JAK1: variants seen among roughly 807,000 people sequenced by gnomAD.
The protein encoded by JAK1 is Janus kinase 1.
JAK1 carries 16 observed loss-of-function variants against 136.6 expected under a neutral mutation model. The observed-to-expected ratio is 0.12, with a 90% CI of 0.08 to 0.18. The LOEUF is 0.18. JAK1 is among the 10% of genes least tolerant of loss of function. The pLI is 1.00. For missense variants in JAK1, 859 were observed against 1,450.1 expected, an observed-to-expected ratio of 0.59 and a Z score of 6.62; for synonymous variants, 492 against 519.5, an observed-to-expected ratio of 0.95 and a Z score of 0.72.
At chr1:64,849,194 AT>A (rs151322128) in intron 12 of JAK1, among the ~76,000 whole-genome samples, 6,477 of 147,680 alleles carry the variant, frequency 0.044, 258 homozygotes, top group Admixed American at 0.14. Context: ...GGAGACCCTG[AT>A]TTTTTTTTTT....
At chr1:64,882,385 C>T (rs1343596367) in intron 3 of JAK1, among the ~76,000 whole-genome samples, 2 of 152,166 alleles carry the variant, frequency 1.3e-5, no homozygotes. Flanking sequence ...TAAATGGCTA[C>T]TTCATCATCA....
chr1:65,003,184 A>G (rs1453992605), intron 2 of JAK1, among the ~76,000 whole-genome samples: 2 of 151,972 alleles, frequency 1.3e-5, no homozygotes, highest in Non-Finnish European at 2.9e-5. Flanking sequence ...AGCCTAGAAA[A>G]GCGTGGGTGG....
At chr1:65,054,443 G>C (rs1241174801) in intron 1 of JAK1, among the ~76,000 whole-genome samples, 2 of 151,916 alleles carry the variant, frequency 1.3e-5, no homozygotes, top group East Asian at 3.9e-4. Flanking sequence ...AGAAGGGAAA[G>C]GTCTGGGATT....
intron 4 of JAK1, among the ~76,000 whole-genome samples, chr1:64,877,291 T>C (rs1160292943): frequency 1.3e-5 from 2 of 152,228 alleles, no homozygotes; most frequent in Non-Finnish European, 2.9e-5. Context: ...AAAATCTTTG[T>C]AGTTTGTCAT....
chr1:64,952,331 C>T (rs978610509), intron 1 of JAK1, among the ~76,000 whole-genome samples: 14 of 152,116 alleles, frequency 9.2e-5, no homozygotes, highest in Non-Finnish European at 1.3e-4. Flanking sequence ...CTAGGTTCCT[C>T]CACTTAAAAG....
intron 2 of JAK1, chr1:64,993,126 A>C (rs890313727): frequency 2.0e-5 from 3 of 152,202 alleles, no homozygotes; most frequent in Admixed American, 6.5e-5. Context: ...TACTCTACAG[A>C]CCTGCCCACA....
At position 64,901,792 on chromosome 1, in the gene JAK1, C is replaced by G. The variant is rs947200258; in HGVS notation, c.-77-15451G>C. On this transcript the variant is annotated intron_variant, in intron 1 of 24. Coordinates refer to ENST00000342505, the MANE Select transcript of JAK1 (RefSeq NM_002227.4). ...CCCCAAAAAGAAACCCCATGTCACT[C>G]TCCATTCTCCCCTATCGCATCCCCT... Among the ~76,000 whole-genome samples, 24 of 152,312 alleles carry G rather than the reference C, an allele frequency of 1.6e-4. 1 individual carries two copies. The highest frequency in any genetic ancestry group is 5.5e-4 in the African/African-American group (23 of 41,574).
intron 3 of JAK1, among the ~76,000 whole-genome samples, chr1:64,879,392 T>C (rs1199646740): frequency 1.3e-5 from 2 of 152,118 alleles, no homozygotes; most frequent in East Asian, 1.9e-4. Context: ...ATTTAGATCA[T>C]TTAAAAATAA....
At chr1:64,995,734 CTTTTG>C (rs532461978) in intron 2 of JAK1, among the ~76,000 whole-genome samples, 1 of 151,948 alleles carries the variant, frequency 6.6e-6, no homozygotes, top group Non-Finnish European at 1.5e-5. Flanking sequence ...TGATATTGGC[CTTTTG>C]TTTTGTTTTG....
intron 12 of JAK1, among the ~76,000 whole-genome samples, chr1:64,849,759 A>G (rs1231561745): frequency 6.6e-6 from 1 of 152,242 alleles, no homozygotes; most frequent in Admixed American, 6.5e-5. Flanking sequence ...GGCAAGGGAA[A>G]AGAGGCAGGC....
At chr1:65,027,944 C>T (rs149376796) in intron 2 of JAK1, among the ~76,000 whole-genome samples, 36 of 152,292 alleles carry the variant, frequency 2.4e-4, no homozygotes, top group African/African-American at 7.9e-4. Context: ...TGGCACGCTG[C>T]CACAGCTGGC....
intron 1 of JAK1, among the ~76,000 whole-genome samples, chr1:65,049,004 C>A (rs972970641): frequency 6.6e-6 from 1 of 152,198 alleles, no homozygotes. Context: ...CCTAAGGCAA[C>A]GGGATCTATT....
At chr1:64,880,108 C>G (rs993951044) in intron 3 of JAK1, among the ~76,000 whole-genome samples, 3 of 152,202 alleles carry the variant, frequency 2.0e-5, no homozygotes, top group Admixed American at 6.5e-5. Context: ...CTGACACTGA[C>G]AGGGCCCCCT....
chr1:64,950,136 G>C (rs935475872), intron 1 of JAK1, among the ~76,000 whole-genome samples: 2 of 152,044 alleles, frequency 1.3e-5, no homozygotes, highest in African/African-American at 2.4e-5. Flanking sequence ...TAGGCCGGGC[G>C]CAGTGGCTTA....
At chr1:64,940,800 T>C (rs1304331570) in intron 1 of JAK1, among the ~76,000 whole-genome samples, 1 of 152,150 alleles carries the variant, frequency 6.6e-6, no homozygotes, top group Non-Finnish European at 1.5e-5. Context: ...AAAGAGAAAA[T>C]AAACTGTATT....
Position 64,855,622 on chromosome 1 carries a change from G to A in JAK1, c.1535C>T (p.Ser512Leu), listed in dbSNP as rs368776025. ...VQKGRYSLHG[S>L]DRSFPSLGDL... is the part of the protein sequence containing the mutation. ...TCCCAAGCTGGGGAAGCTGCGGTCCGAACCGTGCAGACTGTAGCGGCCCTT... is the reference window on the plus strand; with the variant it reads ...TCCCAAGCTGGGGAAGCTGCGGTCCAAACCGTGCAGACTGTAGCGGCCCTT... The change falls in exon 11 of 25, where the codon TCG (serine) becomes TTG (leucine). Residue 512 changes from serine (S) to leucine (L), a missense_variant. Physicochemically the swap from Ser to Leu is moderately radical, Grantham distance 145 (BLOSUM62 -2). Transcript: ENST00000342505. The A allele has an allele frequency of 9.6e-5, 155 of 1,614,116 alleles. No homozygotes were observed. Among genetic ancestry groups the A allele is most frequent in the Non-Finnish European group, 1.2e-4 (147 of 1,180,004 alleles).
chr1:64,838,440 G>GT, intron 21 of JAK1, 25 bp downstream of exon 21: 1 of 1,611,856 alleles, frequency 6.2e-7, no homozygotes, highest in Non-Finnish European at 8.5e-7. Context: ...GTCTTAATCT[G>GT]TAACATGATG....
chr1:64,886,173 T>C (rs1644849235), intron 2 of JAK1, 86 bp downstream of exon 2: 1 of 829,116 alleles, frequency 1.2e-6, no homozygotes, highest in African/African-American at 1.7e-5. Context: ...ATAGCACCAA[T>C]AGCCCTACAG....
intron 24 of JAK1, among the ~76,000 whole-genome samples, 156 bp downstream of exon 24, chr1:64,835,240 C>T (rs150512897): frequency 7.1e-4 from 108 of 152,330 alleles, no homozygotes; most frequent in African/African-American, 2.4e-3. Flanking sequence ...GGCGATTTCT[C>T]AGTTATCTTA....
Sources: allele counts gnomAD v4.1 joint callset (sites outside exome capture counted in the v4.1 genomes callset), GRCh38; gene constraint gnomAD v4.1.1; transcripts MANE v1.5; gene names NCBI Gene and HGNC (gene_info 2026-07-23, HGNC 2026-07-21).